Variants in RFFL observed in about 807,000 individuals in gnomAD.
The protein encoded by RFFL is E3 ubiquitin-protein ligase rififylin.
In RFFL, 16 loss-of-function variants were observed where a neutral mutation model predicts 40.4. The ratio of observed to expected loss-of-function variants is 0.40; its 90% CI spans 0.27 to 0.60. The LOEUF is 0.60. Ranked by LOEUF, RFFL falls within the 20% of genes least tolerant of loss-of-function variation. RFFL has a pLI of 0.47. For synonymous variants in RFFL, 154 were observed against 167.9 expected, an observed-to-expected ratio of 0.92 and a Z score of 0.64; for missense variants, 367 against 451.7, an observed-to-expected ratio of 0.81 and a Z score of 1.70.
In RFFL at chr17:35,021,430, G is replaced by A; in HGVS notation, c.532C>T (p.Pro178Ser). 1.3e-6 allele frequency: 2 copies of A among 1,540,360 alleles called. No individual in the cohort carries two copies. The highest frequency in any genetic ancestry group is 1.3e-5 in the South Asian group (1 of 77,354). ...SMVPPTSPNL[P>S]SSSAQATSVP... ...GAGGTGGCTTGTGCAGATGAAGAGG[G>A]GAGGTTGGGTGAGGTAGGTGGAACC... Residue 178 changes from proline to serine, a missense_variant, in exon 3 of 7, where the codon CCC becomes TCC. Coordinates refer to ENST00000394597, the MANE Select transcript of RFFL (RefSeq NM_001017368.2).
At chr17:35,021,872 A>G in intron 2 of RFFL, 91 bp from the exon 3 acceptor site, 1 of 1,244,724 alleles carries the variant, frequency 8.0e-7, no homozygotes, top group Non-Finnish European at 1.2e-6. Flanking sequence ...CAAGCCCAGC[A>G]GGATCTCCTC....
At chr17:35,047,855 G>A (rs756315283) in intron 1 of RFFL, among the ~76,000 whole-genome samples, 3 of 151,496 alleles carry the variant, frequency 2.0e-5, no homozygotes, top group Non-Finnish European at 4.4e-5. Context: ...AGGCTCAAGC[G>A]ATTCTCATAC....
chr17:35,014,851 C>T, intron 5 of RFFL, 88 bp from the exon 6 acceptor site: 2 of 1,305,694 alleles, frequency 1.5e-6, no homozygotes, highest in Non-Finnish European at 2.2e-6. Flanking sequence ...TTTCTGAACT[C>T]TTACCACTCC....
chr17:35,031,444 G>C (rs1206743626), intron 1 of RFFL, among the ~76,000 whole-genome samples: 1 of 151,990 alleles, frequency 6.6e-6, no homozygotes, highest in Non-Finnish European at 1.5e-5. Flanking sequence ...ACTCATTCAT[G>C]ATGCATGCAA....
chr17:35,049,750 G>A (rs911305176), intron 1 of RFFL, among the ~76,000 whole-genome samples: 1 of 152,130 alleles, frequency 6.6e-6, no homozygotes, highest in East Asian at 1.9e-4. Context: ...TCAAAAGATA[G>A]GCTAAAAATT....
At chr17:35,028,852 C>T (rs1463330135) in intron 1 of RFFL, among the ~76,000 whole-genome samples, 2 of 151,972 alleles carry the variant, frequency 1.3e-5, no homozygotes, top group East Asian at 1.9e-4. Context: ...AGCTTTCCAA[C>T]ACTGCCTCCA....
chr17:35,054,352 C>A (rs1354076660), intron 1 of RFFL, among the ~76,000 whole-genome samples: 1 of 152,170 alleles, frequency 6.6e-6, no homozygotes, highest in African/African-American at 2.4e-5. Context: ...CCACCATTCC[C>A]ACAAGCTGAG....
At chr17:35,028,072 C>T (rs1285566927) in intron 1 of RFFL, among the ~76,000 whole-genome samples, 1 of 151,504 alleles carries the variant, frequency 6.6e-6, no homozygotes. Context: ...TGGTGGCTCA[C>T]GCCTATAATC....
At chr17:35,030,644 AG>A (rs958785420) in intron 1 of RFFL, among the ~76,000 whole-genome samples, 2 of 151,520 alleles carry the variant, frequency 1.3e-5, no homozygotes, top group Non-Finnish European at 2.9e-5. Flanking sequence ...CATATTGCCC[AG>A]GCTGGTCTCA....
intron 1 of RFFL, among the ~76,000 whole-genome samples, chr17:35,084,969 G>A (rs571937457): frequency 4.1e-4 from 63 of 152,024 alleles, no homozygotes; most frequent in Admixed American, 4.6e-4. Context: ...AAAAGGTAGC[G>A]TCTACATGGT....
At chr17:35,079,268 C>G (rs1359111162) in intron 1 of RFFL, among the ~76,000 whole-genome samples, 2 of 152,144 alleles carry the variant, frequency 1.3e-5, no homozygotes, top group African/African-American at 4.8e-5. Context: ...AAGTGATCCA[C>G]CCACCTCAGC....
chr17:35,069,035 G>C (rs960258070), intron 1 of RFFL, among the ~76,000 whole-genome samples: 8 of 152,118 alleles, frequency 5.3e-5, no homozygotes, highest in African/African-American at 1.9e-4. Context: ...GCTTCATAAT[G>C]AAGTGACTTA....
chr17:35,040,372 C>T (rs572286680), intron 1 of RFFL, among the ~76,000 whole-genome samples: 10 of 151,878 alleles, frequency 6.6e-5, no homozygotes, highest in South Asian at 6.2e-4. Context: ...GAGGCCAAGG[C>T]GGGCAGATCA....
At chr17:35,079,844 C>T (rs939596409) in intron 1 of RFFL, among the ~76,000 whole-genome samples, 13 of 152,284 alleles carry the variant, frequency 8.5e-5, no homozygotes, top group Admixed American at 2.0e-4. Flanking sequence ...TAAACAATGG[C>T]TAAGGTATAC....
intron 5 of RFFL, 32 bp from the exon 6 acceptor site, chr17:35,014,795 G>A (rs369470984): frequency 1.2e-6 from 2 of 1,605,156 alleles, no homozygotes; most frequent in African/African-American, 2.7e-5. Flanking sequence ...GTCTGAATAG[G>A]TAAGGCATGA....
chr17:35,015,276 C>A (rs1372139401), intron 5 of RFFL, among the ~76,000 whole-genome samples: 9 of 152,204 alleles, frequency 5.9e-5, no homozygotes, highest in Non-Finnish European at 1.5e-5. Flanking sequence ...CTGGTCTACT[C>A]TTAGGAAAAG....
Position 35,026,512 on chromosome 17 carries a change from C to T in RFFL, c.42G>A (p.Gln14=), listed in dbSNP as rs766541792. 3.0e-5 allele frequency: 48 copies of T among 1,611,688 alleles called. No homozygotes were observed. The East Asian group carries it at 1.0e-3, about 34-fold the overall frequency. ...CCTGGGGTGGTGGGACCTCCTCAGG[C>T]TGTCCATCCAGGCAGAACCAGTTGC... ...TCCNWFCLDG[Q]PEEVPPPQGA... is the part of the protein sequence containing the mutation. Residue 14 remains glutamine, a synonymous_variant, in exon 2 of 7, where the codon CAG becomes CAA. Transcript: ENST00000394597.
intron 2 of RFFL, among the ~76,000 whole-genome samples, chr17:35,024,711 A>T (rs978300416): frequency 1.3e-5 from 2 of 152,264 alleles, no homozygotes; most frequent in South Asian, 2.1e-4. Context: ...AGATAGTAGG[A>T]TCCATGGAAT....
intron 1 of RFFL, among the ~76,000 whole-genome samples, chr17:35,040,083 G>C (rs2091154010): frequency 6.6e-6 from 1 of 151,640 alleles, no homozygotes; most frequent in African/African-American, 2.4e-5. Flanking sequence ...CAAGTGGCCA[G>C]ATCTAATTGA....
Sources: gnomAD v4.1 joint callset for allele counts (sites outside exome capture counted in the v4.1 genomes callset) on GRCh38, gnomAD v4.1.1 for gene constraint, MANE v1.5 for transcripts, NCBI Gene and HGNC (gene_info 2026-07-23, HGNC 2026-07-21) for gene names.